Variants in PPHLN1 observed in about 807,000 individuals in gnomAD.
PPHLN1 encodes periphilin 1.
A neutral mutation model predicts 51.3 loss-of-function variants in PPHLN1; 29 were observed. That is an observed-to-expected ratio of 0.57 (90% CI 0.42 to 0.77). The LOEUF (loss-of-function observed/expected upper bound fraction) is 0.77. Among genes scored for constraint, PPHLN1 ranks in the 30% least tolerant of loss-of-function variants. PPHLN1 has a pLI of 0.00. For synonymous variants in PPHLN1, 147 were observed against 147.8 expected (o/e 0.99, Z 0.04); for missense variants, 436 against 438.4 (o/e 0.99, Z 0.05).
intron 9 of PPHLN1, among the ~76,000 whole-genome samples, chr12:42,412,178 C>T (rs774354104): frequency 1.9e-4 from 29 of 152,124 alleles, no homozygotes; most frequent in Non-Finnish European, 3.5e-4. Context: ...GCACTCCAGC[C>T]TGGGCGACAG....
At chr12:42,411,747 A>G (rs2079853169) in intron 9 of PPHLN1, among the ~76,000 whole-genome samples, 1 of 151,112 alleles carries the variant, frequency 6.6e-6, no homozygotes, top group East Asian at 1.9e-4. Context: ...TCTACTAAAA[A>G]GACAAAAATT....
chr12:42,362,835 C>G (rs959408816), intron 4 of PPHLN1, among the ~76,000 whole-genome samples: 8 of 152,174 alleles, frequency 5.3e-5, no homozygotes, highest in African/African-American at 1.7e-4. Flanking sequence ...CCAAGATATG[C>G]AAGACCCTGG....
chr12:42,446,023 A>G (rs1483204760), downstream of PPHLN1: 2 of 1,548,564 alleles, frequency 1.3e-6, no homozygotes, highest in Non-Finnish European at 1.7e-6. Flanking sequence ...TAGTGGGGCT[A>G]GGACCCAACC....
At chr12:42,384,841 A>C (rs2077058618) in intron 5 of PPHLN1, 99 bp from the exon 6 acceptor site, 1 of 1,141,304 alleles carries the variant, frequency 8.8e-7, no homozygotes, top group Non-Finnish European at 1.3e-6. Context: ...AAATGCTCAG[A>C]AGCCCCTGTT....
rs1261111965 is a variant in PPHLN1 at position 42,420,685 on chromosome 12, C to T, written c.910-20630C>T. 3.7e-4 allele frequency among the ~76,000 whole-genome samples: 36 copies of T among 97,766 alleles called. No individual in the cohort carries two copies. In the East Asian group the frequency reaches 0.013, roughly 35 times the overall value. The allele number at this position is 97,766 out of a possible 152,430, so 64.1% of individuals were successfully genotyped here. On this transcript the variant is annotated intron_variant, in intron 9 of 9. Coordinates refer to ENST00000358314, the MANE Select transcript of PPHLN1 (RefSeq NM_201439.2). Reference sequence around the variant, plus strand: ...TTCCCTCCCGCCCTCCCCTCCCCTCCCCTCCCCTCCCCTCCCTCCCTCTCT... The same window carrying T: ...TTCCCTCCCGCCCTCCCCTCCCCTCTCCTCCCCTCCCCTCCCTCCCTCTCT...
intron 2 of PPHLN1, among the ~76,000 whole-genome samples, chr12:42,337,811 TC>T (rs1164291012): frequency 6.6e-6 from 1 of 151,320 alleles, no homozygotes; most frequent in Non-Finnish European, 1.5e-5. Flanking sequence ...GGAGATGGAG[TC>T]TAACTCTCTT....
chr12:42,396,186 A>C lies in PPHLN1; in HGVS notation c.768+2497A>C, dbSNP rs557125639. On this transcript the variant is annotated intron_variant, in intron 8 of 9. Transcript: ENST00000358314. ...TTTTAGAGATTTTAATTTATTATTA[A>C]TATGTTCATCGGTGTTCAGTAAGAG... Among the ~76,000 whole-genome samples, 274 of 152,302 alleles carry C rather than the reference A, an allele frequency of 1.8e-3. 1 individual carries two copies. The highest frequency in any genetic ancestry group is 3.3e-3 in the Non-Finnish European group (223 of 68,010).
intron 4 of PPHLN1, among the ~76,000 whole-genome samples, chr12:42,358,278 A>G (rs796924871): frequency 6.6e-5 from 10 of 152,328 alleles, no homozygotes; most frequent in African/African-American, 2.4e-4. Context: ...TAAATGAAAT[A>G]AAAACATATA....
At chr12:42,435,333 G>T (rs561220030) in intron 9 of PPHLN1, among the ~76,000 whole-genome samples, 1 of 152,298 alleles carries the variant, frequency 6.6e-6, no homozygotes, top group Non-Finnish European at 1.5e-5. Flanking sequence ...CATATTGAAT[G>T]TAGGCACTAT....
At chr12:42,439,813 C>T (rs183456227) in intron 9 of PPHLN1, among the ~76,000 whole-genome samples, 1 of 152,296 alleles carries the variant, frequency 6.6e-6, no homozygotes, top group Admixed American at 6.5e-5. Context: ...GCGTGAGCCA[C>T]CTTTACAGTA....
At chr12:42,429,569 T>G (rs59190545) in intron 9 of PPHLN1, among the ~76,000 whole-genome samples, 3,099 of 152,324 alleles carry the variant, frequency 0.02, 98 homozygotes, top group African/African-American at 0.071. Context: ...ACACTTTATA[T>G]TTATTTTATG....
chr12:42,411,127 T>A (rs1285210394), intron 9 of PPHLN1, among the ~76,000 whole-genome samples: 2 of 147,906 alleles, frequency 1.4e-5, no homozygotes, highest in Admixed American at 6.6e-5. Context: ...ATTAGGTCGA[T>A]TTTTTTTTAT....
intron 1 of PPHLN1, among the ~76,000 whole-genome samples, chr12:42,329,126 G>A (rs1038908524): frequency 2.7e-5 from 4 of 146,546 alleles, no homozygotes; most frequent in African/African-American, 1.0e-4. Context: ...GTGTGTGACG[G>A]AGTCTCACTC....
chr12:42,371,974 T>C (rs1261955109), intron 4 of PPHLN1, among the ~76,000 whole-genome samples: 1 of 152,202 alleles, frequency 6.6e-6, no homozygotes, highest in East Asian at 1.9e-4. Context: ...TCCATCTATT[T>C]ACAAAGTTAC....
At position 42,344,769 on chromosome 12, in the gene PPHLN1, C is replaced by T. The variant is rs891855187; in HGVS notation, c.73-7116C>T. ...TGTTGCCCAGGCTGGAGTGCAGTGG[C>T]ATAATCTCGGCTCACTGCAACCTCT... On this transcript the variant is annotated intron_variant, in intron 2 of 9. Coordinates refer to ENST00000358314, the MANE Select transcript of PPHLN1 (RefSeq NM_201439.2). 2.1e-5 allele frequency among the ~76,000 whole-genome samples: 3 copies of T among 144,462 alleles called. No homozygotes were observed. In the East Asian group the frequency reaches 6.2e-4, roughly 30 times the overall value. The allele number at this position is 144,462 out of a possible 152,430, so 94.8% of individuals were successfully genotyped here. A position where few individuals can be genotyped will look rare whatever the true frequency, so the allele number is the denominator to read the frequency against.
rs549693353 is a variant in PPHLN1 at position 42,441,903 on chromosome 12, C to G, written c.*394C>G. 2 of 984,614 alleles carry G rather than the reference C, an allele frequency of 2.0e-6. No individual in the cohort carries two copies. The highest frequency in any genetic ancestry group is 4.7e-5 in the South Asian group (1 of 21,404). The allele number at this position is 984,614 out of a possible 1,614,324, so 61.0% of individuals were successfully genotyped here. On this transcript the variant is annotated 3_prime_UTR_variant, in exon 10 of 10. Coordinates refer to ENST00000358314, the MANE Select transcript of PPHLN1 (RefSeq NM_201439.2). ...GCTTGCTTTTTCTTAGGCTTTGTAA[C>G]TTGTAATATGTTAAAGTGTACTATC...
chr12:42,441,524 GCT>G lies in PPHLN1; in HGVS notation c.*16_*17del. 1 of 1,510,014 alleles carries G rather than the reference GCT, an allele frequency of 6.6e-7. No individual in the cohort carries two copies. Among genetic ancestry groups the G allele is most frequent in the African/African-American group, 1.4e-5 (1 of 69,326 alleles). 93.5% of individuals were successfully genotyped at this position (1,510,014 alleles called of 1,614,324 possible). A position where few individuals can be genotyped will look rare whatever the true frequency, so the allele number is the denominator to read the frequency against. ...AGCCTTTTTAGATTTTTCTGCTCAG[GCT>G]AAAAAAAAAAAAAAACAGTTTCTAA... On this transcript the variant is annotated 3_prime_UTR_variant, in exon 10 of 10. Transcript: ENST00000358314.
chr12:42,349,578 G>A (rs534037092), intron 2 of PPHLN1, among the ~76,000 whole-genome samples: 177 of 152,152 alleles, frequency 1.2e-3, no homozygotes, highest in African/African-American at 4.1e-3. Flanking sequence ...TTGTGTCCCT[G>A]GGTACTTGAG....
At chr12:42,356,230 A>C (rs1245973199) in intron 4 of PPHLN1, among the ~76,000 whole-genome samples, 1 of 152,234 alleles carries the variant, frequency 6.6e-6, no homozygotes, top group Non-Finnish European at 1.5e-5. Flanking sequence ...AAAGTAGACA[A>C]GATTCAGTGG....
Sources: allele counts gnomAD v4.1 joint callset (sites outside exome capture counted in the v4.1 genomes callset), GRCh38; gene constraint gnomAD v4.1.1; transcripts MANE v1.5; gene names NCBI Gene and HGNC (gene_info 2026-07-23, HGNC 2026-07-21).